Variants in MAGI3 observed in about 807,000 individuals in gnomAD.
MAGI3 encodes the protein membrane associated guanylate kinase, WW and PDZ domain containing 3, also known as membrane-associated guanylate kinase, WW and PDZ domain-containing protein 3.
Under a neutral mutation model 121.8 loss-of-function variants are expected in MAGI3, and 43 were observed. That is an observed-to-expected ratio of 0.35 (90% CI 0.28 to 0.46). The LOEUF (loss-of-function observed/expected upper bound fraction) is 0.46, where lower values mean the gene tolerates loss of function less well. Ranked by LOEUF, MAGI3 falls within the 20% of genes least tolerant of loss-of-function variation. MAGI3 has a pLI of 1.00. For synonymous variants in MAGI3, 553 were observed against 639.3 expected, an observed-to-expected ratio of 0.86 and a Z score of 2.04; for missense variants, 1,547 against 1,797.3, an observed-to-expected ratio of 0.86 and a Z score of 2.52.
In MAGI3 at chr1:113,685,714, T is replaced by G. The variant is rs1190072245; in HGVS notation, c.*1700T>G. 1.3e-5 allele frequency: 2 copies of G among 152,332 alleles called. No homozygotes were observed. Among genetic ancestry groups the G allele is most frequent in the Admixed American group, 6.5e-5 (1 of 15,280 alleles). 9.4% of individuals were successfully genotyped at this position (152,332 alleles called of 1,614,324 possible). On this transcript the variant is annotated 3_prime_UTR_variant, in exon 21 of 21. Coordinates refer to ENST00000307546, the MANE Select transcript of MAGI3 (RefSeq NM_001142782.2). ...ACTGTGACATAACTTTGATGTCATA[T>G]GTTGTCCTATGTGGTTCTTCCTAAG...
intron 16 of MAGI3, among the ~76,000 whole-genome samples, chr1:113,666,597 C>T (rs1409779477): frequency 6.6e-6 from 1 of 152,164 alleles, no homozygotes; most frequent in Non-Finnish European, 1.5e-5. Context: ...AGTCTTGAAC[C>T]TCTCAAAGTC....
At chr1:113,635,395 G>A (rs376905323) in intron 9 of MAGI3, among the ~76,000 whole-genome samples, 3 of 151,202 alleles carry the variant, frequency 2.0e-5, no homozygotes, top group African/African-American at 7.3e-5. Context: ...TTTGAGATAC[G>A]TCCCATCAAT....
Position 113,449,388 on chromosome 1 carries a change from T to TGTGA in MAGI3, c.316+58040_316+58041insTGAG, listed in dbSNP as rs965305900. ...GTGTGTGTGTGTGTGTGTGTGTGTG[T>TGTGA]GACAGAGAGAGAGGCTTCAATCCTT... On this transcript the variant is annotated intron_variant, in intron 1 of 20. Transcript: ENST00000307546. 6.0e-5 allele frequency among the ~76,000 whole-genome samples: 9 copies of TGTGA among 151,260 alleles called. No homozygotes were observed. In the South Asian group the frequency reaches 1.0e-3, roughly 17 times the overall value.
chr1:113,534,915 A>C (rs1442057583), intron 1 of MAGI3, among the ~76,000 whole-genome samples: 1 of 152,088 alleles, frequency 6.6e-6, no homozygotes, highest in Non-Finnish European at 1.5e-5. Flanking sequence ...ATGTGGTCTT[A>C]ACAGTAAATT....
At chr1:113,682,865 TTAA>T in intron 20 of MAGI3, 29 bp from the exon 21 acceptor site, 4 of 1,514,114 alleles carry the variant, frequency 2.6e-6, no homozygotes, top group Non-Finnish European at 3.5e-6. Context: ...ATTCTAAAAT[TTAA>T]TAATGTTCCA....
intron 1 of MAGI3, among the ~76,000 whole-genome samples, chr1:113,513,373 A>G (rs2101615066): frequency 6.6e-6 from 1 of 152,332 alleles, no homozygotes; most frequent in Non-Finnish European, 1.5e-5. Context: ...CTGACTTCAA[A>G]CTATACTACA....
Position 113,430,848 on chromosome 1 carries a change from T to C in MAGI3, c.316+39499T>C, listed in dbSNP as rs1653266006. On this transcript the variant is annotated intron_variant, in intron 1 of 20. Transcript: ENST00000307546. ...AGCTAGGACATGTTCAAAAGCTTCA[T>C]ATGACTTATGGCATTAGGTTGAACA... Among the ~76,000 whole-genome samples, 7 of 152,374 alleles carry C rather than the reference T, an allele frequency of 4.6e-5. No homozygotes were observed. The South Asian group carries it at 1.2e-3, about 27-fold the overall frequency.
At chr1:113,402,833 C>G (rs1412856359) in intron 1 of MAGI3, among the ~76,000 whole-genome samples, 1 of 152,068 alleles carries the variant, frequency 6.6e-6, no homozygotes, top group African/African-American at 2.4e-5. Context: ...CTGGCCACAG[C>G]AGAGGACAAG....
intron 6 of MAGI3, among the ~76,000 whole-genome samples, chr1:113,613,883 C>T (rs1027130617): frequency 3.6e-4 from 54 of 152,104 alleles, no homozygotes; most frequent in Non-Finnish European, 1.5e-4. Context: ...CATGTCAGTT[C>T]ATGTTGAAAA....
At chr1:113,509,444 TGC>T (rs1657507826) in intron 1 of MAGI3, among the ~76,000 whole-genome samples, 1 of 145,790 alleles carries the variant, frequency 6.9e-6, no homozygotes, top group Non-Finnish European at 1.5e-5. Context: ...AGTTAACCAA[TGC>T]TGAGACATTT....
chr1:113,454,298 G>A (rs1654639744), intron 1 of MAGI3, among the ~76,000 whole-genome samples: 1 of 152,124 alleles, frequency 6.6e-6, no homozygotes, highest in African/African-American at 2.4e-5. Flanking sequence ...TTCAGTTCAA[G>A]AGAAGAAAGG....
chr1:113,452,348 A>T (rs1257054663), intron 1 of MAGI3, among the ~76,000 whole-genome samples: 1 of 152,034 alleles, frequency 6.6e-6, no homozygotes, highest in Non-Finnish European at 1.5e-5. Context: ...TGTTCTAAAG[A>T]TTGATGATCT....
At chr1:113,548,662 C>T (rs554763853) in intron 1 of MAGI3, among the ~76,000 whole-genome samples, 44 of 152,232 alleles carry the variant, frequency 2.9e-4, no homozygotes, top group African/African-American at 8.7e-4. Flanking sequence ...AGTCCCTGTT[C>T]GGGATTTTAG....
At chr1:113,555,614 TATGAAAC>T (rs1659957783) in intron 2 of MAGI3, among the ~76,000 whole-genome samples, 2 of 152,188 alleles carry the variant, frequency 1.3e-5, no homozygotes, top group Non-Finnish European at 2.9e-5. Context: ...ACTTAAATCA[TATGAAAC>T]ATGTTATCTA....
rs377303530 is a variant in MAGI3, at chr1:113,480,822, C to A, written c.317-68693C>A. Among the ~76,000 whole-genome samples, 13 of 152,110 alleles carry A rather than the reference C, an allele frequency of 8.5e-5. No homozygotes were observed. The South Asian group carries it at 2.5e-3, about 29-fold the overall frequency. On this transcript the variant is annotated intron_variant, in intron 1 of 20. Coordinates refer to ENST00000307546, the MANE Select transcript of MAGI3 (RefSeq NM_001142782.2). ...ATGAGGGGACAAGGGCTGGAAACTC[C>A]TATTCTGCCATCTTACTGATGGCAC...
intron 7 of MAGI3, among the ~76,000 whole-genome samples, chr1:113,615,927 C>T (rs1228476933): frequency 6.6e-6 from 1 of 152,098 alleles, no homozygotes; most frequent in Non-Finnish European, 1.5e-5. Flanking sequence ...AAAGGTTTTG[C>T]AGGATTTTTT....
chr1:113,472,999 A>G (rs1655616679), intron 1 of MAGI3, among the ~76,000 whole-genome samples: 1 of 152,196 alleles, frequency 6.6e-6, no homozygotes. Flanking sequence ...ACACACCACT[A>G]TTACGGTATT....
chr1:113,560,376 AAAAAACAAACAAAAAAAC>A (rs1041159633), intron 2 of MAGI3, among the ~76,000 whole-genome samples: 5 of 151,918 alleles, frequency 3.3e-5, no homozygotes, highest in African/African-American at 9.7e-5. Flanking sequence ...ACTCCATCTT[AAAAAACAAACAAAAAAAC>A]AAAAACAAAC....
intron 1 of MAGI3, among the ~76,000 whole-genome samples, chr1:113,454,636 C>T (rs902973981): frequency 6.6e-6 from 1 of 152,138 alleles, no homozygotes; most frequent in African/African-American, 2.4e-5. Flanking sequence ...CTAATGCTAT[C>T]CCTCCCCTAG....
Sources: gnomAD v4.1 joint callset for allele counts (sites outside exome capture counted in the v4.1 genomes callset) on GRCh38, gnomAD v4.1.1 for gene constraint, MANE v1.5 for transcripts, NCBI Gene and HGNC (gene_info 2026-07-23, HGNC 2026-07-21) for gene names.